Variants in CADPS observed in about 807,000 individuals in gnomAD.
The protein encoded by CADPS is calcium dependent secretion activator, also known as calcium-dependent secretion activator 1.
Under a neutral mutation model 167.3 loss-of-function variants are expected in CADPS, and 57 were observed. The observed-to-expected ratio is 0.34, with a 90% CI of 0.28 to 0.42. The LOEUF (loss-of-function observed/expected upper bound fraction) is 0.42, where lower values mean the gene tolerates loss of function less well. Ranked by LOEUF, CADPS falls within the 20% of genes least tolerant of loss-of-function variation. The pLI is 1.00. For synonymous variants in CADPS, 676 were observed against 635.3 expected (o/e 1.06, Z -0.96); for missense variants, 1,414 against 1,738.1 (o/e 0.81, Z 3.32).
chr3:62,683,709 G>A (rs2089355), intron 3 of CADPS, among the ~76,000 whole-genome samples: 25,230 of 151,896 alleles, frequency 0.17, 2,564 homozygotes, highest in African/African-American at 0.28. Flanking sequence ...ATTACATTTT[G>A]CTATCAGGTC....
intron 1 of CADPS, among the ~76,000 whole-genome samples, chr3:62,864,329 T>TGATTA (rs1205729366): frequency 6.6e-6 from 1 of 152,172 alleles, no homozygotes; most frequent in Non-Finnish European, 1.5e-5. Flanking sequence ...GCTAAAGTCA[T>TGATTA]GATTAGGGAT....
chr3:62,662,822 T>G (rs1378905347), intron 3 of CADPS, among the ~76,000 whole-genome samples: 1 of 152,196 alleles, frequency 6.6e-6, no homozygotes, highest in Non-Finnish European at 1.5e-5. Context: ...CCAGCCGCTC[T>G]CCACCTCTGG....
chr3:62,548,150 G>A (rs1331139009), intron 11 of CADPS, among the ~76,000 whole-genome samples: 6 of 152,020 alleles, frequency 3.9e-5, no homozygotes, highest in Admixed American at 1.3e-4. Flanking sequence ...GTTACGATAG[G>A]ATGTGTTGTT....
At chr3:62,493,331 G>A (rs1254763015) in intron 19 of CADPS, among the ~76,000 whole-genome samples, 3 of 152,126 alleles carry the variant, frequency 2.0e-5, no homozygotes, top group African/African-American at 7.2e-5. Flanking sequence ...AGTGTCAACA[G>A]GCCCTGTTTT....
At chr3:62,865,575 C>G (rs1043183673) in intron 1 of CADPS, among the ~76,000 whole-genome samples, 1 of 152,010 alleles carries the variant, frequency 6.6e-6, no homozygotes, top group Non-Finnish European at 1.5e-5. Context: ...GATGGGAACA[C>G]TTGAGGGCTT....
chr3:62,648,320 C>T (rs889849748), intron 5 of CADPS, among the ~76,000 whole-genome samples: 8 of 152,130 alleles, frequency 5.3e-5, no homozygotes, highest in Admixed American at 1.3e-4. Context: ...CATAGGAGTA[C>T]GGACTTGTCT....
chr3:62,540,109 AGTTT>A (rs1252326284), intron 11 of CADPS, among the ~76,000 whole-genome samples: 1 of 152,158 alleles, frequency 6.6e-6, no homozygotes, highest in Non-Finnish European at 1.5e-5. Context: ...TTGAAAAGCC[AGTTT>A]GTTTCAAGTA....
chr3:62,552,484 A>T (rs1189676310), intron 10 of CADPS, among the ~76,000 whole-genome samples: 1 of 152,242 alleles, frequency 6.6e-6, no homozygotes, highest in Non-Finnish European at 1.5e-5. Flanking sequence ...TAGATTACTC[A>T]GCATTCTCTA....
intron 4 of CADPS, among the ~76,000 whole-genome samples, chr3:62,656,258 A>AT (rs1308346680): frequency 6.6e-6 from 1 of 152,158 alleles, no homozygotes; most frequent in Non-Finnish European, 1.5e-5. Context: ...GATGGTGCCT[A>AT]TAGTAAAGAT....
Position 62,698,780 on chromosome 3 carries a change from C to T in CADPS, c.889-36386G>A, listed in dbSNP as rs138831446. ...TTTCAGACAGGGTCTTGCTTTGTCA[C>T]CCAGGCTGGAGTGCAGTAGTATGAT... On this transcript the variant is annotated intron_variant, in intron 3 of 29. Transcript: ENST00000383710. Among the ~76,000 whole-genome samples the T allele has an allele frequency of 1.9e-3, 218 of 116,518 alleles. 1 individual carries two copies. Among genetic ancestry groups the T allele is most frequent in the African/African-American group, 7.0e-3 (209 of 29,966 alleles). 76.4% of individuals were successfully genotyped at this position (116,518 alleles called of 152,430 possible). A position where few individuals can be genotyped will look rare whatever the true frequency, so the allele number is the denominator to read the frequency against.
intron 3 of CADPS, among the ~76,000 whole-genome samples, chr3:62,690,434 A>G (rs902606929): frequency 6.6e-6 from 1 of 152,028 alleles, no homozygotes; most frequent in Non-Finnish European, 1.5e-5. Context: ...TCAGCATTAG[A>G]GATCATGAGC....
intron 1 of CADPS, among the ~76,000 whole-genome samples, chr3:62,842,389 A>AC (rs1446380126): frequency 1.3e-5 from 2 of 152,170 alleles, no homozygotes; most frequent in Non-Finnish European, 2.9e-5. Context: ...CAGAATCTGT[A>AC]CCCCTAACCA....
At chr3:62,520,786 T>C (rs1317400030) in intron 13 of CADPS, among the ~76,000 whole-genome samples, 2 of 152,188 alleles carry the variant, frequency 1.3e-5, no homozygotes, top group African/African-American at 4.8e-5. Flanking sequence ...AATAACAACT[T>C]GTCAAAGATC....
chr3:62,746,995 T>C (rs1038347510), intron 3 of CADPS, among the ~76,000 whole-genome samples: 5 of 152,170 alleles, frequency 3.3e-5, no homozygotes, highest in Non-Finnish European at 7.3e-5. Context: ...AGGACAACTA[T>C]AAAGTCATTG....
rs545059637 is a variant in CADPS, at chr3:62,694,048, C to T, written c.889-31654G>A. Reference sequence around the variant, plus strand: ...CTTTATCTGGTCACCCCAGTGCTCGCTCAATGGGCCTAGGTACTCAGTGGC... The same window carrying T: ...CTTTATCTGGTCACCCCAGTGCTCGTTCAATGGGCCTAGGTACTCAGTGGC... On this transcript the variant is annotated intron_variant, in intron 3 of 29. Coordinates refer to ENST00000383710, the MANE Select transcript of CADPS (RefSeq NM_003716.4). Among the ~76,000 whole-genome samples, 108 of 152,158 alleles carry T rather than the reference C, an allele frequency of 7.1e-4. No homozygotes were observed. The South Asian group carries it at 0.016, about 23-fold the overall frequency.
chr3:62,796,720 A>C (rs1270048047), intron 1 of CADPS, among the ~76,000 whole-genome samples: 1 of 152,172 alleles, frequency 6.6e-6, no homozygotes, highest in Non-Finnish European at 1.5e-5. Flanking sequence ...GACCTGCATA[A>C]ATATTTTATA....
chr3:62,833,070 A>G (rs569405245), intron 1 of CADPS, among the ~76,000 whole-genome samples: 4 of 152,152 alleles, frequency 2.6e-5, no homozygotes, highest in Non-Finnish European at 4.4e-5. Context: ...TTTTGGCCCC[A>G]GTTCTCTTTT....
intron 6 of CADPS, among the ~76,000 whole-genome samples, chr3:62,596,407 A>G (rs2058949579): frequency 6.6e-6 from 1 of 152,018 alleles, no homozygotes; most frequent in African/African-American, 2.4e-5. Context: ...CATGTTAGCC[A>G]GGCTGGTTGC....
At position 62,557,521 on chromosome 3, in the gene CADPS, G is replaced by T; in HGVS notation, c.1645-8C>A. ...AAACGTGTACTGACTGACCTGTTAAGGAAAAGCAGATTGTGAGGTTGACCC... is the reference window on the plus strand; with the variant it reads ...AAACGTGTACTGACTGACCTGTTAATGAAAAGCAGATTGTGAGGTTGACCC... On this transcript the variant is annotated splice_region_variant and splice_polypyrimidine_tract_variant and intron_variant, in intron 9 of 29. Transcript: ENST00000383710. 1 of 1,608,800 alleles carries T rather than the reference G, an allele frequency of 6.2e-7. No individual in the cohort carries two copies. The highest frequency in any genetic ancestry group is 8.5e-7 in the Non-Finnish European group (1 of 1,175,214).
Sources: gnomAD v4.1 joint callset for allele counts (sites outside exome capture counted in the v4.1 genomes callset) on GRCh38, gnomAD v4.1.1 for gene constraint, MANE v1.5 for transcripts, NCBI Gene and HGNC (gene_info 2026-07-23, HGNC 2026-07-21) for gene names.